FRMD4A: variants seen among roughly 807,000 people sequenced by gnomAD.
FRMD4A encodes the protein FERM domain containing 4A, also known as FERM domain-containing protein 4A.
A neutral mutation model predicts 129.1 loss-of-function variants in FRMD4A; 29 were observed. The ratio of observed to expected loss-of-function variants is 0.22; its 90% CI spans 0.17 to 0.31. The LOEUF (loss-of-function observed/expected upper bound fraction) is 0.31, where lower values mean the gene tolerates loss of function less well. Among genes scored for constraint, FRMD4A ranks in the 10% least tolerant of loss-of-function variants. The probability of loss-of-function intolerance (pLI) is 1.00; values close to 1 mark genes in which losing one functional copy is unlikely to be tolerated. For missense variants in FRMD4A, 1,272 were observed against 1,375.8 expected (o/e 0.92, Z 1.19); for synonymous variants, 634 against 571.6 (o/e 1.11, Z -1.56).
chr10:13,850,386 C>A (rs542386799), intron 3 of FRMD4A, among the ~76,000 whole-genome samples: 1 of 152,114 alleles, frequency 6.6e-6, no homozygotes. Flanking sequence ...GATGGGATAT[C>A]ACCAGCATCG....
At chr10:13,903,190 T>C (rs1367083369) in intron 2 of FRMD4A, among the ~76,000 whole-genome samples, 1 of 152,138 alleles carries the variant, frequency 6.6e-6, no homozygotes. Context: ...AGATCTTTTC[T>C]AACCACCTTT....
At position 13,779,395 on chromosome 10, in the gene FRMD4A, A is replaced by T. The variant is rs534229869; in HGVS notation, c.384+3527T>A. On this transcript the variant is annotated intron_variant, in intron 6 of 24. Coordinates refer to ENST00000357447, the MANE Select transcript of FRMD4A (RefSeq NM_018027.5). Reference sequence around the variant, plus strand: ...AGAGAAAATTCCTTACTGAGATCACAGGAATGGCTAAACCCATCAAATCTT... The same window carrying T: ...AGAGAAAATTCCTTACTGAGATCACTGGAATGGCTAAACCCATCAAATCTT... 3.3e-5 allele frequency among the ~76,000 whole-genome samples: 5 copies of T among 152,254 alleles called. No individual in the cohort carries two copies. In the East Asian group the frequency reaches 9.6e-4, roughly 29 times the overall value.
At chr10:13,675,145 C>T in intron 15 of FRMD4A, 101 bp from the exon 16 acceptor site, 1 of 1,076,146 alleles carries the variant, frequency 9.3e-7, no homozygotes, top group Non-Finnish European at 1.4e-6. Context: ...ATGGGATTTA[C>T]CCCAGGAATC....
intron 12 of FRMD4A, chr10:13,710,607 C>A (rs529805939): frequency 6.6e-6 from 1 of 152,382 alleles, no homozygotes; most frequent in Admixed American, 6.5e-5. Flanking sequence ...CTGATGCTTG[C>A]TTTAAGCATG....
At chr10:13,896,435 C>T (rs987464785) in intron 2 of FRMD4A, among the ~76,000 whole-genome samples, 4 of 152,024 alleles carry the variant, frequency 2.6e-5, no homozygotes, top group South Asian at 4.2e-4. Flanking sequence ...AAACAAACAC[C>T]GCATGTTCTC....
chr10:13,949,126 A>G (rs2095354126), intron 2 of FRMD4A, among the ~76,000 whole-genome samples: 1 of 152,120 alleles, frequency 6.6e-6, no homozygotes, highest in Non-Finnish European at 1.5e-5. Flanking sequence ...AATTCAACAC[A>G]TGCCAATGGA....
intron 15 of FRMD4A, chr10:13,693,534 A>T (rs1352748250): frequency 8.4e-7 from 1 of 1,188,854 alleles, no homozygotes; most frequent in African/African-American, 1.6e-5. Context: ...TTCACAACAC[A>T]CAAGTGGGCA....
intron 5 of FRMD4A, among the ~76,000 whole-genome samples, chr10:13,790,586 G>A (rs1266683149): frequency 6.6e-6 from 1 of 152,208 alleles, no homozygotes; most frequent in South Asian, 2.1e-4. Flanking sequence ...GTGCCACAGA[G>A]CCGGGGGAAC....
At position 13,761,684 on chromosome 10, in the gene FRMD4A, A is replaced by T; in HGVS notation, c.442-15T>A. 11 of 1,586,850 alleles carry T rather than the reference A, an allele frequency of 6.9e-6. No homozygotes were observed. Among genetic ancestry groups the T allele is most frequent in the African/African-American group, 1.3e-5 (1 of 74,290 alleles). ...CCCTTTGCCTCCTGTAGAAGAAAAAATTCAACATCAGCGAAATACACTAAG... is the reference window on the plus strand; with the variant it reads ...CCCTTTGCCTCCTGTAGAAGAAAAATTTCAACATCAGCGAAATACACTAAG... On this transcript the variant is annotated splice_polypyrimidine_tract_variant and intron_variant, in intron 7 of 24. Transcript: ENST00000357447.
chr10:13,988,032 C>T (rs568779490), intron 2 of FRMD4A, among the ~76,000 whole-genome samples: 7 of 152,204 alleles, frequency 4.6e-5, no homozygotes, highest in African/African-American at 1.4e-4. Flanking sequence ...ATTTGATATA[C>T]GCTAGAAAAT....
chr10:14,205,744 C>T (rs1279210388), intron 2 of FRMD4A, among the ~76,000 whole-genome samples: 1 of 139,910 alleles, frequency 7.1e-6, no homozygotes, highest in East Asian at 2.1e-4. Flanking sequence ...GAGGTGGAGA[C>T]TGCAGAGAGG....
At chr10:13,755,499 C>T (rs2091822628) in intron 8 of FRMD4A, among the ~76,000 whole-genome samples, 1 of 152,196 alleles carries the variant, frequency 6.6e-6, no homozygotes, top group Non-Finnish European at 1.5e-5. Flanking sequence ...CCTCTAACCG[C>T]TCCCCTGGGC....
At chr10:13,730,302 G>T (rs1224552135) in intron 12 of FRMD4A, among the ~76,000 whole-genome samples, 1 of 152,206 alleles carries the variant, frequency 6.6e-6, no homozygotes, top group East Asian at 1.9e-4. Context: ...GATTCTGCAA[G>T]ATTTAATAAA....
rs533366230 is a variant in FRMD4A at position 14,277,858 on chromosome 10, A to G, written c.45+52200T>C. On this transcript the variant is annotated intron_variant, in intron 2 of 24. Coordinates refer to ENST00000357447, the MANE Select transcript of FRMD4A (RefSeq NM_018027.5). ...GAGCTCCGGCATTCTCTGACTTCTC[A>G]AGGTCATGTCCTCCCAATGGCCTGA... Among the ~76,000 whole-genome samples the G allele has an allele frequency of 5.1e-3, 774 of 152,296 alleles. 5 individuals are homozygous for G. Among genetic ancestry groups the G allele is most frequent in the African/African-American group, 0.018 (739 of 41,570 alleles).
intron 20 of FRMD4A, among the ~76,000 whole-genome samples, 168 bp from the exon 21 acceptor site, chr10:13,659,658 G>T (rs1430924416): frequency 5.3e-5 from 8 of 152,122 alleles, no homozygotes; most frequent in African/African-American, 1.9e-4. Context: ...CCAGCAGGGG[G>T]TATGCCCTCC....
chr10:13,926,977 G>T (rs2095140352), intron 2 of FRMD4A, among the ~76,000 whole-genome samples: 2 of 152,202 alleles, frequency 1.3e-5, no homozygotes, highest in African/African-American at 4.8e-5. Flanking sequence ...TTAGAGACCA[G>T]GTGTGGTGGC....
In FRMD4A at chr10:13,833,803, A is replaced by C. The variant is rs536016149; in HGVS notation, c.112-22895T>G. ...TGAGGCAGATGTTATTGTTATGATC[A>C]TTCCCATATTAAAGGTCACCCGGCT... On this transcript the variant is annotated intron_variant, in intron 3 of 24. Transcript: ENST00000357447. Among the ~76,000 whole-genome samples the C allele has an allele frequency of 5.9e-5, 9 of 152,250 alleles. No homozygotes were observed. In the South Asian group the frequency reaches 1.9e-3, roughly 32 times the overall value.
chr10:13,816,261 G>A (rs767153687), intron 3 of FRMD4A, among the ~76,000 whole-genome samples: 11 of 152,242 alleles, frequency 7.2e-5, no homozygotes, highest in Non-Finnish European at 1.2e-4. Flanking sequence ...CCCAGAAGAT[G>A]TTGAGGTTAC....
intron 2 of FRMD4A, among the ~76,000 whole-genome samples, chr10:14,120,957 T>G (rs2131810579): frequency 6.6e-6 from 1 of 152,306 alleles, no homozygotes; most frequent in Admixed American, 6.5e-5. Flanking sequence ...GCAATGGGAT[T>G]TAAGAGCAGT....
Sources: allele counts gnomAD v4.1 joint callset (sites outside exome capture counted in the v4.1 genomes callset), GRCh38; gene constraint gnomAD v4.1.1; transcripts MANE v1.5; gene names NCBI Gene and HGNC (gene_info 2026-07-23, HGNC 2026-07-21).